PCDHA12: variants seen among roughly 807,000 people sequenced by gnomAD.
PCDHA12 encodes the protein protocadherin alpha 12.
PCDHA12 carries 44 observed loss-of-function variants against 60.0 expected under a neutral mutation model. The observed-to-expected ratio is 0.73, with a 90% CI of 0.58 to 0.94. The LOEUF is 0.94. Among genes scored for constraint, PCDHA12 ranks in the 40% least tolerant of loss-of-function variants. PCDHA12 has a pLI of 0.00. For missense variants in PCDHA12, 1,276 were observed against 1,239.7 expected (o/e 1.03, Z -0.44); for synonymous variants, 569 against 553.0 (o/e 1.03, Z -0.40).
At chr5:140,917,151 G>T (rs974449842) in intron 1 of PCDHA12, among the ~76,000 whole-genome samples, 2 of 152,160 alleles carry the variant, frequency 1.3e-5, no homozygotes, top group Non-Finnish European at 2.9e-5. Flanking sequence ...TGCTGCTGGG[G>T]GATATGGGAG....
At chr5:140,989,865 C>T (rs1209207256) in intron 3 of PCDHA12, among the ~76,000 whole-genome samples, 1 of 152,034 alleles carries the variant, frequency 6.6e-6, no homozygotes, top group Non-Finnish European at 1.5e-5. Flanking sequence ...AGGAATCTTT[C>T]TCTGCCTCAG....
At chr5:140,967,710 G>A (rs868978149) in intron 1 of PCDHA12, 1 of 1,614,182 alleles carries the variant, frequency 6.2e-7, no homozygotes, top group Non-Finnish European at 8.5e-7. Flanking sequence ...GCCAGTACCG[G>A]GGAAGTGCGA....
chr5:140,968,068 C>T (rs1554230278), intron 1 of PCDHA12: 1 of 1,614,024 alleles, frequency 6.2e-7, no homozygotes, highest in East Asian at 2.2e-5. Context: ...GGGTGGCTGT[C>T]TACAACATCA....
rs140124026 is a variant in PCDHA12, at chr5:140,973,683, C to T, written c.2368-5266C>T. On this transcript the variant is annotated intron_variant, in intron 1 of 3. Coordinates refer to ENST00000398631, the MANE Select transcript of PCDHA12 (RefSeq NM_018903.4). ...TTTATTGTAGCTTGAATGTCATTGG[C>T]CTACTGTTTCCTTCTGACCCAGGAG... is the stretch of plus-strand genomic sequence containing the variant. Among the ~76,000 whole-genome samples, 5 of 152,316 alleles carry T rather than the reference C, an allele frequency of 3.3e-5. No homozygotes were observed. The East Asian group carries it at 7.7e-4, about 24-fold the overall frequency.
At chr5:140,996,077 G>A in intron 3 of PCDHA12, among the ~76,000 whole-genome samples, 1 of 152,218 alleles carries the variant, frequency 6.6e-6, no homozygotes, top group East Asian at 1.9e-4. Flanking sequence ...GATTCAAGAT[G>A]TTTTTGCTAG....
At chr5:140,943,854 CAAG>C (rs1298449902) in intron 1 of PCDHA12, among the ~76,000 whole-genome samples, 7 of 152,158 alleles carry the variant, frequency 4.6e-5, no homozygotes, top group African/African-American at 1.7e-4. Flanking sequence ...TCACAGAAGT[CAAG>C]AAGAGGTCTC....
chr5:140,967,299 G>T, intron 1 of PCDHA12: 3 of 1,612,674 alleles, frequency 1.9e-6, no homozygotes, highest in Non-Finnish European at 2.5e-6. Flanking sequence ...CCCGACGTGG[G>T]CGCCAACTCA....
Position 140,876,038 on chromosome 5 carries a change from G to C in PCDHA12, c.566G>C (p.Ser189Thr). 6.2e-7 allele frequency: 1 copy of C among 1,613,822 alleles called. No homozygotes were observed. Among genetic ancestry groups the C allele is most frequent in the East Asian group, 2.2e-5 (1 of 44,880 alleles). ...AAAATAAAAACAAAAAAAGATAAAA[G>C]TATATTGCCTGAATTAGTTCTTCGG... ...ELKIKTKKDK[S>T]ILPELVLRKL... Residue 189 changes from serine (S) to threonine (T), a missense_variant, in exon 1 of 4, where the codon AGT becomes ACT. Transcript: ENST00000398631.
Position 140,877,800 on chromosome 5 carries a change from T to G in PCDHA12, c.2328T>G (p.Leu776=). 2.5e-6 allele frequency: 4 copies of G among 1,613,522 alleles called. No homozygotes were observed. In the Middle Eastern group the frequency reaches 5.0e-4, roughly 200 times the overall value. Residue 776 remains leucine, a synonymous_variant, in exon 1 of 4, where the codon CTT becomes CTG. Transcript: ENST00000398631. ...KTDLMAFSPS[L]QLSREDCLNP... ...ACCTCATGGCCTTCAGCCCAAGCCT[T>G]CAGCTGTCTCGAGAAGATTGTTTAA...
At position 140,884,762 on chromosome 5, in the gene PCDHA12, A is replaced by T. The variant is rs491169; in HGVS notation, c.2367+6923A>T. 4,163 of 1,423,128 alleles carry T rather than the reference A, an allele frequency of 2.9e-3. 95 individuals carry two copies. The African/African-American group carries it at 0.053, about 18-fold the overall frequency. 88.2% of individuals were successfully genotyped at this position (1,423,128 alleles called of 1,614,324 possible). A position where few individuals can be genotyped will look rare whatever the true frequency, so the allele number is the denominator to read the frequency against. On this transcript the variant is annotated intron_variant, in intron 1 of 3. Coordinates refer to ENST00000398631, the MANE Select transcript of PCDHA12 (RefSeq NM_018903.4). ...TCCTGCCAATTTCAAATTATTCTTT[A>T]CTTTAATTTTAATTTTGCTAGTTGT...
intron 1 of PCDHA12, chr5:140,967,037 G>C (rs1429896772): frequency 2.5e-6 from 4 of 1,611,378 alleles, no homozygotes; most frequent in South Asian, 1.1e-5. Flanking sequence ...GCGCTACCTG[G>C]AGCTGGACCT....
At chr5:140,982,679 C>A in intron 3 of PCDHA12, 116 bp downstream of exon 3, 2 of 1,436,546 alleles carry the variant, frequency 1.4e-6, no homozygotes, top group Non-Finnish European at 9.2e-7. Flanking sequence ...TTGTTATTCC[C>A]TTTTTTCCAT....
chr5:140,994,217 T>G (rs781792763), intron 3 of PCDHA12, among the ~76,000 whole-genome samples: 2 of 152,110 alleles, frequency 1.3e-5, no homozygotes, highest in Non-Finnish European at 2.9e-5. Flanking sequence ...GGACCCAGGG[T>G]CTGTCTATGT....
At chr5:140,985,847 C>T (rs1178290779) in intron 3 of PCDHA12, among the ~76,000 whole-genome samples, 4 of 150,300 alleles carry the variant, frequency 2.7e-5, no homozygotes, top group African/African-American at 7.3e-5. Context: ...TCATGCCACT[C>T]TCCTGCCTCA....
rs1236174883 is a variant in PCDHA12 at position 140,948,633 on chromosome 5, C to T, written c.2368-30316C>T. Among the ~76,000 whole-genome samples the T allele has an allele frequency of 2.6e-5, 4 of 151,768 alleles. No individual in the cohort carries two copies. The East Asian group carries it at 7.7e-4, about 29-fold the overall frequency. ...GGCACAAAGTTGTTAATAATATTCTCTCATCTTTTAACGTCTGTATAATCT... is the reference window on the plus strand; with the variant it reads ...GGCACAAAGTTGTTAATAATATTCTTTCATCTTTTAACGTCTGTATAATCT... On this transcript the variant is annotated intron_variant, in intron 1 of 3. Transcript: ENST00000398631.
At chr5:140,925,257 C>A (rs1336613869) in intron 1 of PCDHA12, among the ~76,000 whole-genome samples, 2 of 152,110 alleles carry the variant, frequency 1.3e-5, no homozygotes, top group East Asian at 3.8e-4. Context: ...AACTTTAATT[C>A]TTGATCTGTG....
rs139745274 is a variant in PCDHA12, at chr5:140,994,788, C to T, written c.2515+12225C>T. On this transcript the variant is annotated intron_variant, in intron 3 of 3. Coordinates refer to ENST00000398631, the MANE Select transcript of PCDHA12 (RefSeq NM_018903.4). ...AGAATTCCAGGCAAAGGAAACAATG[C>T]GTGCATGCAAAAACAAAATACAAAA... Among the ~76,000 whole-genome samples, 132 of 152,194 alleles carry T rather than the reference C, an allele frequency of 8.7e-4. 2 individuals carry two copies. The East Asian group carries it at 0.024, about 28-fold the overall frequency.
chr5:140,979,053 T>A (rs1429544807), intron 2 of PCDHA12, 46 bp downstream of exon 2: 3 of 1,610,104 alleles, frequency 1.9e-6, no homozygotes, highest in Admixed American at 3.4e-5. Context: ...CTTAACTTGG[T>A]ATGGCTCAGA....
rs782129855 is a variant in PCDHA12, at chr5:140,877,569, C to T, written c.2097C>T (p.Tyr699=). 1 of 1,613,806 alleles carries T rather than the reference C, an allele frequency of 6.2e-7. No individual in the cohort carries two copies. The highest frequency in any genetic ancestry group is 1.7e-5 in the Admixed American group (1 of 60,028). ...PEAALVDINV[Y]LIIAICAVSS... ...CGGCTCTGGTGGATATTAACGTGTA[C>T]CTCATCATCGCCATCTGTGCGGTGT... is the stretch of plus-strand genomic sequence containing the variant. The change falls in exon 1 of 4, where the codon TAC becomes TAT. Residue 699 remains tyrosine (Y), a synonymous_variant. Transcript: ENST00000398631.
Sources: allele counts gnomAD v4.1 joint callset (sites outside exome capture counted in the v4.1 genomes callset), GRCh38; gene constraint gnomAD v4.1.1; transcripts MANE v1.5; gene names NCBI Gene and HGNC (gene_info 2026-07-23, HGNC 2026-07-21).